Variants in CDH4 observed in about 807,000 individuals in gnomAD.
CDH4 encodes cadherin 4.
CDH4 carries 33 observed loss-of-function variants against 86.0 expected under a neutral mutation model. The ratio of observed to expected loss-of-function variants is 0.38; its 90% CI spans 0.29 to 0.51. CDH4 has a LOEUF of 0.51. Ranked by LOEUF, CDH4 falls within the 20% of genes least tolerant of loss-of-function variation. The probability of loss-of-function intolerance (pLI) is 0.86; values close to 1 mark genes in which losing one functional copy is unlikely to be tolerated. For missense variants in CDH4, 1,114 were observed against 1,307.4 expected (o/e 0.85, Z 2.28); for synonymous variants, 555 against 549.4 (o/e 1.01, Z -0.14).
intron 2 of CDH4, 60 bp from the exon 3 acceptor site, chr20:61,743,503 C>T (rs1400123809): frequency 2.2e-6 from 3 of 1,351,948 alleles, no homozygotes; most frequent in Non-Finnish European, 3.1e-6. Flanking sequence ...TGGTTGCTGC[C>T]ATTGTTACCG....
chr20:61,428,954 G>A (rs1424766557), intron 2 of CDH4, among the ~76,000 whole-genome samples: 1 of 152,108 alleles, frequency 6.6e-6, no homozygotes, highest in Non-Finnish European at 1.5e-5. Context: ...CCCTTCTATA[G>A]AGGTTAGTAA....
At chr20:61,599,490 C>T (rs906568300) in intron 2 of CDH4, among the ~76,000 whole-genome samples, 16 of 152,204 alleles carry the variant, frequency 1.1e-4, no homozygotes, top group African/African-American at 3.6e-4. Flanking sequence ...CCTCCTGACC[C>T]CCCTGACCCC....
chr20:61,270,521 A>C (rs2084177955), intron 2 of CDH4, among the ~76,000 whole-genome samples: 1 of 152,218 alleles, frequency 6.6e-6, no homozygotes, highest in African/African-American at 2.4e-5. Flanking sequence ...GAGGATTCAC[A>C]ATGACTTTTT....
At chr20:61,472,829 C>T (rs913246893) in intron 2 of CDH4, among the ~76,000 whole-genome samples, 7 of 152,230 alleles carry the variant, frequency 4.6e-5, no homozygotes, top group Admixed American at 3.9e-4. Context: ...TTACACAGGC[C>T]TGCTTTTTAG....
intron 2 of CDH4, among the ~76,000 whole-genome samples, chr20:61,637,852 C>T (rs776020516): frequency 1.3e-5 from 2 of 152,002 alleles, no homozygotes; most frequent in African/African-American, 4.8e-5. Flanking sequence ...GAAACCCCAT[C>T]TCTACTAAAA....
At chr20:61,840,922 A>G (rs552587151) in intron 4 of CDH4, among the ~76,000 whole-genome samples, 14 of 152,368 alleles carry the variant, frequency 9.2e-5, no homozygotes, top group Admixed American at 4.6e-4. Context: ...ATGCGGCCTG[A>G]TGGCCAAAAC....
At chr20:61,276,972 A>G (rs1157472586) in intron 2 of CDH4, among the ~76,000 whole-genome samples, 1 of 152,194 alleles carries the variant, frequency 6.6e-6, no homozygotes, top group South Asian at 2.1e-4. Context: ...TATGCAGATT[A>G]AAGTCCAAGT....
At chr20:61,778,549 C>T (rs546902736) in intron 4 of CDH4, among the ~76,000 whole-genome samples, 2 of 151,988 alleles carry the variant, frequency 1.3e-5, no homozygotes, top group Non-Finnish European at 2.9e-5. Context: ...CTCTAATTGG[C>T]GGGGCTGTGG....
chr20:61,410,853 C>T (rs2085115166), intron 2 of CDH4, among the ~76,000 whole-genome samples: 1 of 151,978 alleles, frequency 6.6e-6, no homozygotes, highest in African/African-American at 2.4e-5. Flanking sequence ...ATCCATCCGT[C>T]CGTCCGTCCA....
intron 2 of CDH4, among the ~76,000 whole-genome samples, chr20:61,557,738 G>T (rs540889467): frequency 7.1e-6 from 1 of 141,826 alleles, no homozygotes; most frequent in South Asian, 2.4e-4. Context: ...TCTTGAGAAG[G>T]CTCGTTAAGG....
chr20:61,724,899 C>A (rs1418320686), intron 2 of CDH4, among the ~76,000 whole-genome samples: 1 of 152,076 alleles, frequency 6.6e-6, no homozygotes, highest in African/African-American at 2.4e-5. Context: ...TCGCTTGAGC[C>A]CAGAAGTTCA....
At chr20:61,730,871 T>C (rs1157290145) in intron 2 of CDH4, among the ~76,000 whole-genome samples, 1 of 152,146 alleles carries the variant, frequency 6.6e-6, no homozygotes, top group Non-Finnish European at 1.5e-5. Flanking sequence ...CACTGGGCCA[T>C]GCAGGCAGCG....
intron 2 of CDH4, among the ~76,000 whole-genome samples, chr20:61,285,707 C>A (rs531192737): frequency 6.6e-6 from 1 of 152,382 alleles, no homozygotes; most frequent in East Asian, 1.9e-4. Context: ...GAACCAATTT[C>A]TCACTTCCTT....
intron 2 of CDH4, among the ~76,000 whole-genome samples, chr20:61,390,429 G>A (rs1405917643): frequency 7.2e-6 from 1 of 139,622 alleles, no homozygotes. Flanking sequence ...CGGTCATAGG[G>A]TGCCCATAGC....
intron 4 of CDH4, among the ~76,000 whole-genome samples, chr20:61,814,930 C>A (rs2146053333): frequency 6.6e-6 from 1 of 152,280 alleles, no homozygotes; most frequent in South Asian, 2.1e-4. Flanking sequence ...ACGCTCCGCT[C>A]CCCGGCTCTG....
intron 2 of CDH4, among the ~76,000 whole-genome samples, chr20:61,423,456 A>G (rs530957768): frequency 6.6e-6 from 1 of 152,322 alleles, no homozygotes; most frequent in South Asian, 2.1e-4. Context: ...ACACATTGCA[A>G]AACTATCCCA....
intron 2 of CDH4, among the ~76,000 whole-genome samples, chr20:61,734,280 G>A (rs1400383424): frequency 6.6e-6 from 1 of 152,238 alleles, no homozygotes; most frequent in African/African-American, 2.4e-5. Flanking sequence ...CTGCTGTTTA[G>A]CTGAGGGTCT....
At chr20:61,459,103 GA>G (rs1276185960) in intron 2 of CDH4, among the ~76,000 whole-genome samples, 4 of 152,172 alleles carry the variant, frequency 2.6e-5, no homozygotes, top group Non-Finnish European at 5.9e-5. Context: ...CTGTGCCCTG[GA>G]GAGGCCCCAG....
chr20:61,762,771 C>T (rs2088651321), intron 3 of CDH4, among the ~76,000 whole-genome samples: 1 of 152,336 alleles, frequency 6.6e-6, no homozygotes, highest in East Asian at 1.9e-4. Flanking sequence ...GCTATGCTGC[C>T]TATCAGAGAA....
Sources: allele counts gnomAD v4.1 joint callset (sites outside exome capture counted in the v4.1 genomes callset), GRCh38; gene constraint gnomAD v4.1.1; transcripts MANE v1.5; gene names NCBI Gene and HGNC (gene_info 2026-07-23, HGNC 2026-07-21).